The following EPN2 variants were observed in gnomAD, a reference collection of about 807,000 sequenced individuals.
EPN2 encodes the protein epsin 2, also known as epsin-2.
Under a neutral mutation model 61.7 loss-of-function variants are expected in EPN2, and 34 were observed. That is an observed-to-expected ratio of 0.55 (90% CI 0.42 to 0.73). The LOEUF (loss-of-function observed/expected upper bound fraction) is 0.73, where lower values mean the gene tolerates loss of function less well. Among genes scored for constraint, EPN2 ranks in the 30% least tolerant of loss-of-function variants. The pLI, the probability that EPN2 is intolerant of heterozygous loss-of-function variation, is 0.00. For synonymous variants in EPN2, 349 were observed against 353.6 expected, an observed-to-expected ratio of 0.99 and a Z score of 0.15; for missense variants, 714 against 839.2, an observed-to-expected ratio of 0.85 and a Z score of 1.84.
At chr17:19,310,808 C>T (rs1226379156) in intron 5 of EPN2, among the ~76,000 whole-genome samples, 1 of 152,010 alleles carries the variant, frequency 6.6e-6, no homozygotes, top group African/African-American at 2.4e-5. Context: ...AAACTTCTGA[C>T]CTCAAGTGAT....
In EPN2 at chr17:19,330,417, C is replaced by T. The variant is rs140285988; in HGVS notation, c.1411+770C>T. Among the ~76,000 whole-genome samples, 371 of 152,246 alleles carry T rather than the reference C, an allele frequency of 2.4e-3. 4 individuals carry two copies. The South Asian group carries it at 0.029, about 12-fold the overall frequency. On this transcript the variant is annotated intron_variant, in intron 9 of 10. Transcript: ENST00000314728. The stretch of plus-strand genomic sequence containing the variant: ...TTTTATCCCTCCCTACCAACTGTAG[C>T]CACAAGCCTGGCTAGGCCCTGGTGT...
At chr17:19,312,191 G>C (rs1364352778) in intron 6 of EPN2, 47 bp downstream of exon 6, 2 of 1,406,030 alleles carry the variant, frequency 1.4e-6, no homozygotes, top group African/African-American at 2.8e-5. Flanking sequence ...TCCTGTAGTT[G>C]TTGCCTCAAT....
intron 1 of EPN2, among the ~76,000 whole-genome samples, chr17:19,252,247 C>A (rs1941109478): frequency 6.6e-6 from 1 of 152,182 alleles, no homozygotes; most frequent in Non-Finnish European, 1.5e-5. Context: ...TGTGAAGGGG[C>A]CTGCATTGAG....
chr17:19,277,112 A>G (rs1033374881), intron 1 of EPN2, among the ~76,000 whole-genome samples: 6 of 152,310 alleles, frequency 3.9e-5, no homozygotes, highest in Admixed American at 3.3e-4. Flanking sequence ...TAGAAATAAC[A>G]GAATGTGCCC....
intron 1 of EPN2, among the ~76,000 whole-genome samples, chr17:19,270,459 G>C (rs1385333834): frequency 3.3e-5 from 5 of 152,170 alleles, no homozygotes; most frequent in African/African-American, 1.2e-4. Context: ...GTTCTCATAG[G>C]GATGCCTCTG....
At chr17:19,275,255 T>A (rs1476191173) in intron 1 of EPN2, among the ~76,000 whole-genome samples, 1 of 152,236 alleles carries the variant, frequency 6.6e-6, no homozygotes, top group Non-Finnish European at 1.5e-5. Context: ...GTTGTTTGGC[T>A]GTTGTTGCCT....
At chr17:19,310,580 T>TC (rs979407815) in intron 5 of EPN2, among the ~76,000 whole-genome samples, 2 of 124,744 alleles carry the variant, frequency 1.6e-5, no homozygotes, top group African/African-American at 6.7e-5. Context: ...TCTTTTTTTT[T>TC]TTTTTTTTTT....
intron 5 of EPN2, 38 bp from the exon 6 acceptor site, chr17:19,312,014 T>C: frequency 7.5e-7 from 1 of 1,332,210 alleles, no homozygotes; most frequent in Non-Finnish European, 1.1e-6. Flanking sequence ...TGTACAGTGA[T>C]GTTATTACAA....
intron 6 of EPN2, 128 bp downstream of exon 6, chr17:19,312,272 G>A (rs1598015515): frequency 5.8e-6 from 4 of 688,894 alleles, no homozygotes; most frequent in Admixed American, 2.3e-5. Context: ...TAACCTTCAT[G>A]CCTGTAGTGA....
At chr17:19,256,419 CAA>C (rs61210278) in intron 1 of EPN2, among the ~76,000 whole-genome samples, 8 of 67,956 alleles carry the variant, frequency 1.2e-4, no homozygotes, top group Non-Finnish European at 1.3e-4. Flanking sequence ...GACCCTGTCT[CAA>C]AAAAAAAAAA....
At chr17:19,254,285 T>C (rs994169536) in intron 1 of EPN2, among the ~76,000 whole-genome samples, 2 of 152,110 alleles carry the variant, frequency 1.3e-5, no homozygotes, top group Admixed American at 6.5e-5. Flanking sequence ...CTCACGCCTG[T>C]AATCCCAGCA....
rs906144818 is a variant in EPN2, at chr17:19,313,169, C to T, written c.1037C>T (p.Pro346Leu). 5 of 1,613,774 alleles carry T rather than the reference C, an allele frequency of 3.1e-6. No homozygotes were observed. Among genetic ancestry groups the T allele is most frequent in the Non-Finnish European group, 2.5e-6 (3 of 1,179,840 alleles). The change falls in exon 7 of 11, where the codon CCC becomes CTC. Residue 346 changes from proline (P) to leucine (L), a missense_variant. Physicochemically the swap from Pro to Leu is moderately conservative, Grantham distance 98. Transcript: ENST00000314728. ...DLMDALPSSG[P>L]AAQKAEPWGP... ...ATGGATGCTCTCCCCAGCTCGGGCC[C>T]CGCGGCCCAGAAAGCAGAGCCCTGG...
Position 19,285,857 on chromosome 17 carries a change from A to G in EPN2, c.766+67A>G. The G allele has an allele frequency of 6.9e-7, 1 of 1,457,214 alleles. No individual in the cohort carries two copies. 90.3% of individuals were successfully genotyped at this position (1,457,214 alleles called of 1,614,324 possible). ...GCAGCTTGCTGGGGGTGTGCTTGCCATGCCAGTACAGCCAACTCTCTCCCT... is the reference window on the plus strand; with the variant it reads ...GCAGCTTGCTGGGGGTGTGCTTGCCGTGCCAGTACAGCCAACTCTCTCCCT... On this transcript the variant is annotated intron_variant, in intron 4 of 10. Transcript: ENST00000314728. The surrounding 1 kb of genome is among the most constrained non-coding windows in gnomAD (Gnocchi z 4.5).
In EPN2 at chr17:19,324,342, AT is replaced by A. The variant is rs774103127; in HGVS notation, c.1148-4368del. Among the ~76,000 whole-genome samples, 456 of 152,328 alleles carry A rather than the reference AT, an allele frequency of 3.0e-3. 1 individual carries two copies. Among genetic ancestry groups the A allele is most frequent in the Middle Eastern group, 6.8e-3 (2 of 294 alleles). The stretch of plus-strand genomic sequence containing the variant: ...TCAGATATATTTAGAACCAAATTAA[AT>A]ATATATTTAGACGGAGTTTTGTTCT... On this transcript the variant is annotated intron_variant, in intron 7 of 10. Coordinates refer to ENST00000314728, the MANE Select transcript of EPN2 (RefSeq NM_014964.5).
In EPN2 at chr17:19,331,844, G is replaced by C. The variant is rs1907170632; in HGVS notation, c.1412-9G>C. On this transcript the variant is annotated splice_polypyrimidine_tract_variant and intron_variant, in intron 9 of 10. Coordinates refer to ENST00000314728, the MANE Select transcript of EPN2 (RefSeq NM_014964.5). ...CACTCACCCTGCCATATGTGTCCTT[G>C]TCTTGTAGCCGAATCTGTGACCTCT... 13 of 1,612,988 alleles carry C rather than the reference G, an allele frequency of 8.1e-6. No individual in the cohort carries two copies. The highest frequency in any genetic ancestry group is 1.1e-5 in the Non-Finnish European group (13 of 1,179,102).
chr17:19,321,542 C>A (rs1253388744), intron 7 of EPN2, among the ~76,000 whole-genome samples: 1 of 152,120 alleles, frequency 6.6e-6, no homozygotes, highest in Non-Finnish European at 1.5e-5. Context: ...AGAATTCTTC[C>A]AAGGAGAACC....
At chr17:19,248,390 T>C (rs1274522199) in intron 1 of EPN2, 7 of 152,208 alleles carry the variant, frequency 4.6e-5, no homozygotes, top group African/African-American at 1.7e-4. Flanking sequence ...CACAGCAGGT[T>C]CTTATCTGTT....
chr17:19,250,159 A>G (rs763643474), intron 1 of EPN2, among the ~76,000 whole-genome samples: 10 of 151,056 alleles, frequency 6.6e-5, no homozygotes, highest in Non-Finnish European at 1.3e-4. Flanking sequence ...AGTGATGCCT[A>G]TCTCGGCGCA....
chr17:19,317,015 G>T (rs924081950), intron 7 of EPN2, among the ~76,000 whole-genome samples: 3 of 152,176 alleles, frequency 2.0e-5, no homozygotes, highest in Non-Finnish European at 4.4e-5. Flanking sequence ...TTATTGTTTA[G>T]CATCTAGTTA....
Sources: allele counts gnomAD v4.1 joint callset (sites outside exome capture counted in the v4.1 genomes callset), GRCh38; gene constraint gnomAD v4.1.1; non-coding constraint Gnocchi (gnomAD v3.1); transcripts MANE v1.5; gene names NCBI Gene and HGNC (gene_info 2026-07-23, HGNC 2026-07-21).